The following TMC1 variants were observed in gnomAD, a reference collection of about 807,000 sequenced individuals.
TMC1 encodes transmembrane channel like 1, also known as transmembrane channel-like protein 1.
A neutral mutation model predicts 105.8 loss-of-function variants in TMC1; 84 were observed. That is an observed-to-expected ratio of 0.79 (90% CI 0.67 to 0.95). TMC1 has a LOEUF of 0.95. TMC1 is among the 40% of genes least tolerant of loss of function. The probability of loss-of-function intolerance (pLI) is 0.00; values close to 1 mark genes in which losing one functional copy is unlikely to be tolerated. For missense variants in TMC1, 817 were observed against 914.1 expected, an observed-to-expected ratio of 0.89 and a Z score of 1.37; for synonymous variants, 315 against 311.5, an observed-to-expected ratio of 1.01 and a Z score of -0.12.
chr9:72,577,361 C>G (rs1209954765), intron 1 of TMC1, among the ~76,000 whole-genome samples: 1 of 152,222 alleles, frequency 6.6e-6, no homozygotes, highest in East Asian at 1.9e-4. Context: ...TGTGCCTCAG[C>G]ACACAGGGAC....
intron 1 of TMC1, among the ~76,000 whole-genome samples, chr9:72,529,403 A>G (rs546015731): frequency 1.3e-5 from 2 of 152,268 alleles, no homozygotes; most frequent in East Asian, 3.9e-4. Context: ...TGCACCTGTG[A>G]ATAGTCACTG....
At chr9:72,522,173 G>A (rs1587935621) in intron 1 of TMC1, among the ~76,000 whole-genome samples, 1 of 65,770 alleles carries the variant, frequency 1.5e-5, no homozygotes, top group Non-Finnish European at 3.0e-5. Context: ...TTTTTGAGAC[G>A]GAGTCTTGCT....
intron 5 of TMC1, among the ~76,000 whole-genome samples, chr9:72,650,897 T>TATATATATATAA (rs1564468529): frequency 7.0e-6 from 1 of 142,564 alleles, no homozygotes; most frequent in African/African-American, 2.6e-5. Flanking sequence ...TATAGATATA[T>TATATATATATAA]ATATAAATAT....
intron 17 of TMC1, among the ~76,000 whole-genome samples, chr9:72,793,431 A>G (rs72733081): frequency 0.092 from 14,066 of 152,182 alleles, 716 homozygotes; most frequent in Non-Finnish European, 0.13. Context: ...CCATTCCATC[A>G]TTCAGGCTTC....
intron 8 of TMC1, among the ~76,000 whole-genome samples, chr9:72,713,399 G>T (rs1385926383): frequency 6.6e-6 from 1 of 152,078 alleles, no homozygotes; most frequent in Non-Finnish European, 1.5e-5. Context: ...GAATTTGTCT[G>T]GTCCTGGACT....
chr9:72,650,484 C>T (rs527662949), intron 5 of TMC1, among the ~76,000 whole-genome samples: 28 of 151,110 alleles, frequency 1.9e-4, no homozygotes, highest in African/African-American at 6.8e-4. Flanking sequence ...TATGAAGGGA[C>T]AGAACAAGCC....
chr9:72,737,422 C>T (rs1337387976), intron 8 of TMC1, among the ~76,000 whole-genome samples: 1 of 152,130 alleles, frequency 6.6e-6, no homozygotes, highest in African/African-American at 2.4e-5. Flanking sequence ...GATTGCCTGA[C>T]CATTTGTTTG....
At position 72,670,692 on chromosome 9, in the gene TMC1, C is replaced by T. The variant is rs374209265; in HGVS notation, c.17-18017C>T. On this transcript the variant is annotated intron_variant, in intron 5 of 23. Transcript: ENST00000297784. Reference sequence around the variant, plus strand: ...AGTGGCTAGAGGAAAGATCAAATCACGACACAGAAGAAATAAAAAGACAAT... The same window carrying T: ...AGTGGCTAGAGGAAAGATCAAATCATGACACAGAAGAAATAAAAAGACAAT... Among the ~76,000 whole-genome samples the T allele has an allele frequency of 4.6e-5, 7 of 152,032 alleles. No homozygotes were observed. In the South Asian group the frequency reaches 8.3e-4, roughly 18 times the overall value.
chr9:72,536,523 G>A (rs543668363), intron 1 of TMC1, among the ~76,000 whole-genome samples: 18 of 152,182 alleles, frequency 1.2e-4, no homozygotes, highest in Non-Finnish European at 2.4e-4. Flanking sequence ...TAGTAGAGAC[G>A]GGGTTTCACT....
intron 13 of TMC1, among the ~76,000 whole-genome samples, chr9:72,785,889 G>A (rs1185772714): frequency 6.6e-6 from 1 of 152,246 alleles, no homozygotes; most frequent in South Asian, 2.1e-4. Context: ...GTTTAGTATC[G>A]CTATTACAGT....
intron 13 of TMC1, among the ~76,000 whole-genome samples, chr9:72,773,398 C>A (rs765574355): frequency 6.6e-6 from 1 of 152,106 alleles, no homozygotes; most frequent in African/African-American, 2.4e-5. Context: ...GCAAAGTCAC[C>A]CTAAGCAGGA....
intron 8 of TMC1, among the ~76,000 whole-genome samples, chr9:72,719,951 G>A (rs1826993495): frequency 6.6e-6 from 1 of 152,146 alleles, no homozygotes; most frequent in Non-Finnish European, 1.5e-5. Flanking sequence ...ATTATGCTGT[G>A]GGCAAGTTTC....
intron 5 of TMC1, among the ~76,000 whole-genome samples, chr9:72,656,382 C>CT (rs34514586): frequency 0.1 from 15,398 of 150,762 alleles, 945 homozygotes; most frequent in African/African-American, 0.16. Flanking sequence ...AGTTTGGTGC[C>CT]TTTTTTTTTG....
At chr9:72,530,980 C>A (rs539750002) in intron 1 of TMC1, among the ~76,000 whole-genome samples, 1 of 151,256 alleles carries the variant, frequency 6.6e-6, no homozygotes, top group Non-Finnish European at 1.5e-5. Flanking sequence ...GCCACCACGC[C>A]CAGCTAATTA....
intron 5 of TMC1, among the ~76,000 whole-genome samples, chr9:72,651,866 C>T (rs1336579688): frequency 6.6e-6 from 1 of 152,034 alleles, no homozygotes; most frequent in Non-Finnish European, 1.5e-5. Flanking sequence ...ATCACCTAAG[C>T]AGGGTACACT....
At chr9:72,803,432 A>G (rs536573589) in intron 17 of TMC1, among the ~76,000 whole-genome samples, 17 of 152,356 alleles carry the variant, frequency 1.1e-4, no homozygotes, top group Admixed American at 3.3e-4. Flanking sequence ...AACTCTCATC[A>G]GAGTGAACAG....
At chr9:72,606,692 T>C (rs61175879) in intron 2 of TMC1, among the ~76,000 whole-genome samples, 3,532 of 152,232 alleles carry the variant, frequency 0.023, 150 homozygotes, top group African/African-American at 0.08. Flanking sequence ...TCAAACACAT[T>C]TATAAGTGCT....
At position 72,820,921 on chromosome 9, in the gene TMC1, G is replaced by A. The variant is rs1828858813; in HGVS notation, c.1843G>A (p.Ala615Thr). The part of the protein sequence containing the change: ...LHTSMYFQCW[A>T]VMCCNVPEAR... ...TACATCCATGTACTTCCAGTGCTGG[G>A]CCGTTATGTGCTGCAATGTTCCTGA... is the stretch of plus-strand genomic sequence containing the variant. The change falls in exon 20 of 24, where the codon GCC becomes ACC. Residue 615 changes from alanine to threonine, a missense_variant. Physicochemically the swap from Ala to Thr is moderately conservative, Grantham distance 58 (BLOSUM62 0). Transcript: ENST00000297784. 1 of 1,613,992 alleles carries A rather than the reference G, an allele frequency of 6.2e-7. No homozygotes were observed. The highest frequency in any genetic ancestry group is 1.7e-5 in the Admixed American group (1 of 59,996).
chr9:72,835,358 A>C (rs568295734), intron 23 of TMC1, among the ~76,000 whole-genome samples: 13,108 of 152,272 alleles, frequency 0.086, 678 homozygotes, highest in Non-Finnish European at 0.13. Flanking sequence ...CTTAGTGAGA[A>C]TTTATTAGAA....
Sources: gnomAD v4.1 joint callset for allele counts (sites outside exome capture counted in the v4.1 genomes callset) on GRCh38, gnomAD v4.1.1 for gene constraint, MANE v1.5 for transcripts, NCBI Gene and HGNC (gene_info 2026-07-23, HGNC 2026-07-21) for gene names.